Variants in R3HCC1L observed in about 807,000 individuals in gnomAD.
R3HCC1L encodes the protein coiled-coil domain-containing protein R3HCC1L.
In R3HCC1L, 51 loss-of-function variants were observed where a neutral mutation model predicts 59.9. The observed-to-expected ratio is 0.85, with a 90% CI of 0.68 to 1.07. The LOEUF is 1.07. Ranked by LOEUF, R3HCC1L falls within the 50% of genes least tolerant of loss-of-function variation. The probability of loss-of-function intolerance (pLI) is 0.00; values close to 1 mark genes in which losing one functional copy is unlikely to be tolerated. For synonymous variants in R3HCC1L, 322 were observed against 315.2 expected (o/e 1.02, Z -0.23); for missense variants, 965 against 933.0 (o/e 1.03, Z -0.45).
chr10:98,210,905 T>G (rs1853489749), intron 5 of R3HCC1L, among the ~76,000 whole-genome samples: 1 of 152,188 alleles, frequency 6.6e-6, no homozygotes, highest in Non-Finnish European at 1.5e-5. Context: ...ATCACATGCC[T>G]GTAAAAGAGC....
Position 98,204,137 on chromosome 10 carries a change from G to A in R3HCC1L, c.-14-3964G>A, listed in dbSNP as rs77075992. 7.8e-3 allele frequency among the ~76,000 whole-genome samples: 1,194 copies of A among 152,274 alleles called. 15 individuals carry two copies. The highest frequency in any genetic ancestry group is 0.027 in the African/African-American group (1,138 of 41,568). Reference sequence around the variant, plus strand: ...AGAGAGAAAATAATCGGCCCAGCACGGTGGCTTACACCTGTAATCCCAGCA... The same window carrying A: ...AGAGAGAAAATAATCGGCCCAGCACAGTGGCTTACACCTGTAATCCCAGCA... On this transcript the variant is annotated intron_variant, in intron 4 of 9. Coordinates refer to ENST00000298999, the MANE Select transcript of R3HCC1L (RefSeq NM_001351015.2).
intron 9 of R3HCC1L, among the ~76,000 whole-genome samples, chr10:98,238,396 A>G (rs1026457888): frequency 1.3e-5 from 2 of 152,292 alleles, no homozygotes; most frequent in South Asian, 4.1e-4. Flanking sequence ...GGAAGAAAAT[A>G]TGTTCCTCTT....
chr10:98,197,965 A>G lies in R3HCC1L; in HGVS notation c.-14-10136A>G, dbSNP rs12256075. Among the ~76,000 whole-genome samples, 1,034 of 152,292 alleles carry G rather than the reference A, an allele frequency of 6.8e-3. 19 individuals are homozygous for G. Among genetic ancestry groups the G allele is most frequent in the African/African-American group, 0.024 (992 of 41,556 alleles). ...TATGTAGGATTGTATTTGTTATGCA[A>G]AAAAGCTTGTGTGTGAAAAACCACT... On this transcript the variant is annotated intron_variant, in intron 4 of 9. Transcript: ENST00000298999.
At chr10:98,156,069 A>G (rs923113142) in intron 1 of R3HCC1L, 24 bp from the exon 2 acceptor site, 2 of 146,754 alleles carry the variant, frequency 1.4e-5, no homozygotes, top group Admixed American at 6.7e-5. Flanking sequence ...TTTTTTTTTT[A>G]ATTCTTGGAA....
Position 98,206,350 on chromosome 10 carries a change from A to G in R3HCC1L, c.-14-1751A>G, listed in dbSNP as rs555147851. ...TTTAAAAAAAAAAAAAAAACCTCCA[A>G]AAGAGATCCTTGTATTTACTGCTTT... On this transcript the variant is annotated intron_variant, in intron 4 of 9. Transcript: ENST00000298999. Among the ~76,000 whole-genome samples, 13 of 151,790 alleles carry G rather than the reference A, an allele frequency of 8.6e-5. No homozygotes were observed. The East Asian group carries it at 2.5e-3, about 29-fold the overall frequency.
intron 4 of R3HCC1L, chr10:98,174,767 G>A (rs1360543786): frequency 1.9e-5 from 19 of 980,268 alleles, no homozygotes; most frequent in Non-Finnish European, 2.2e-5. Flanking sequence ...TAAATGCAAG[G>A]TAAGCCTAGT....
intron 5 of R3HCC1L, among the ~76,000 whole-genome samples, chr10:98,223,318 G>A (rs1855274860): frequency 1.3e-5 from 2 of 152,142 alleles, no homozygotes; most frequent in South Asian, 4.1e-4. Flanking sequence ...GAATGCAGCA[G>A]CACATCAAAA....
chr10:98,161,790 T>C (rs939271494), intron 2 of R3HCC1L, among the ~76,000 whole-genome samples: 12 of 152,194 alleles, frequency 7.9e-5, no homozygotes, highest in African/African-American at 2.7e-4. Flanking sequence ...CTTTCAATTA[T>C]AGAGGCTTAA....
intron 4 of R3HCC1L, among the ~76,000 whole-genome samples, chr10:98,187,914 A>AT (rs771220717): frequency 1.3e-4 from 19 of 150,444 alleles, no homozygotes; most frequent in East Asian, 3.9e-4. Flanking sequence ...TTAAAAAACA[A>AT]TTTTTTTTTG....
At chr10:98,179,854 G>A (rs1849454509) in intron 4 of R3HCC1L, among the ~76,000 whole-genome samples, 1 of 152,122 alleles carries the variant, frequency 6.6e-6, no homozygotes, top group African/African-American at 2.4e-5. Flanking sequence ...TTTGCGTATA[G>A]GTATTTGTAG....
At chr10:98,166,436 C>CTT (rs1847955309) in intron 4 of R3HCC1L, among the ~76,000 whole-genome samples, 1 of 152,192 alleles carries the variant, frequency 6.6e-6, no homozygotes. Flanking sequence ...AAATAACACT[C>CTT]TGACTTTTTG....
At chr10:98,144,709 T>G (rs1845493572) in intron 1 of R3HCC1L, among the ~76,000 whole-genome samples, 2 of 152,216 alleles carry the variant, frequency 1.3e-5, no homozygotes, top group South Asian at 4.1e-4. Context: ...GCTTAGAACA[T>G]TATTCATACG....
rs117022332 is a variant in R3HCC1L, at chr10:98,172,204, C to T, written c.-15+8807C>T. On this transcript the variant is annotated intron_variant, in intron 4 of 9. Transcript: ENST00000298999. ...ACTCCACGGGATATACACGTATTCACAGATCCGCTCACTACTGCTGCAGAG... is the reference window on the plus strand; with the variant it reads ...ACTCCACGGGATATACACGTATTCATAGATCCGCTCACTACTGCTGCAGAG... Among the ~76,000 whole-genome samples the T allele has an allele frequency of 1.2e-3, 178 of 152,242 alleles. 2 individuals carry two copies. In the East Asian group the frequency reaches 0.029, roughly 25 times the overall value.
At chr10:98,205,952 A>G (rs1295464844) in intron 4 of R3HCC1L, among the ~76,000 whole-genome samples, 1 of 152,162 alleles carries the variant, frequency 6.6e-6, no homozygotes, top group Non-Finnish European at 1.5e-5. Context: ...TAGTAGTAGA[A>G]TTCTTTCTTA....
At chr10:98,161,614 T>C (rs778656723) in intron 2 of R3HCC1L, among the ~76,000 whole-genome samples, 1 of 152,150 alleles carries the variant, frequency 6.6e-6, no homozygotes, top group African/African-American at 2.4e-5. Flanking sequence ...TTCTGTAGTT[T>C]TAGTTGTTAA....
intron 4 of R3HCC1L, among the ~76,000 whole-genome samples, chr10:98,179,967 G>GC (rs1849471858): frequency 6.6e-6 from 1 of 151,912 alleles, no homozygotes; most frequent in Non-Finnish European, 1.5e-5. Context: ...TATTAGTCTT[G>GC]CTAGTGGTCT....
At chr10:98,146,389 C>T (rs1301202635) in intron 1 of R3HCC1L, among the ~76,000 whole-genome samples, 1 of 152,180 alleles carries the variant, frequency 6.6e-6, no homozygotes, top group Non-Finnish European at 1.5e-5. Flanking sequence ...TCCTACTGAT[C>T]TATCAAACAC....
chr10:98,156,095 A>G lies in R3HCC1L; in HGVS notation c.-265A>G, dbSNP rs1846844428. The G allele has an allele frequency of 6.7e-6, 1 of 149,862 alleles. No homozygotes were observed. The highest frequency in any genetic ancestry group is 1.5e-5 in the Non-Finnish European group (1 of 67,632). 9.3% of individuals were successfully genotyped at this position (149,862 alleles called of 1,614,324 possible). On this transcript the variant is annotated splice_region_variant and 5_prime_UTR_variant, in exon 2 of 10. Coordinates refer to ENST00000298999, the MANE Select transcript of R3HCC1L (RefSeq NM_001351015.2). ...ATTCTTGGAAATTTCTCTTCTAGAGACTTCCAGTGTCCTACTATTGAAGCC... is the reference window on the plus strand; with the variant it reads ...ATTCTTGGAAATTTCTCTTCTAGAGGCTTCCAGTGTCCTACTATTGAAGCC...
At chr10:98,207,272 A>G (rs780189152) in intron 4 of R3HCC1L, among the ~76,000 whole-genome samples, 10 of 152,232 alleles carry the variant, frequency 6.6e-5, no homozygotes, top group Non-Finnish European at 1.5e-4. Context: ...AGAATAATTC[A>G]ATATGAAATT....
Sources: allele counts gnomAD v4.1 joint callset (sites outside exome capture counted in the v4.1 genomes callset), GRCh38; gene constraint gnomAD v4.1.1; transcripts MANE v1.5; gene names NCBI Gene and HGNC (gene_info 2026-07-23, HGNC 2026-07-21).